Variants in MED12L observed in about 807,000 individuals in gnomAD.
MED12L encodes the protein mediator of RNA polymerase II transcription subunit 12-like protein.
Under a neutral mutation model 281.3 loss-of-function variants are expected in MED12L, and 60 were observed. The observed-to-expected ratio is 0.21, with a 90% confidence interval of 0.17 to 0.26. The LOEUF (loss-of-function observed/expected upper bound fraction) is 0.26, where lower values mean the gene tolerates loss of function less well. Ranked by LOEUF, MED12L falls within the 10% of genes least tolerant of loss-of-function variation. MED12L has a pLI of 1.00. For missense variants in MED12L, 2,146 were observed against 2,680.9 expected (o/e 0.80, Z 4.41); for synonymous variants, 974 against 987.2 (o/e 0.99, Z 0.25).
chr3:151,327,584 A>G (rs964588222), intron 16 of MED12L: 1 of 152,220 alleles, frequency 6.6e-6, no homozygotes, highest in Non-Finnish European at 1.5e-5. Flanking sequence ...TTTTTCTTTC[A>G]GCACATATCT....
chr3:151,222,647 C>T (rs1270315373), intron 16 of MED12L, among the ~76,000 whole-genome samples: 1 of 152,210 alleles, frequency 6.6e-6, no homozygotes, highest in Non-Finnish European at 1.5e-5. Context: ...ACTATAAGTC[C>T]AGTAAACCTC....
intron 3 of MED12L, among the ~76,000 whole-genome samples, chr3:151,117,479 T>C (rs1380846510): frequency 6.6e-6 from 1 of 152,208 alleles, no homozygotes; most frequent in Non-Finnish European, 1.5e-5. Context: ...CATTACCTTT[T>C]CTAGCCCAGT....
At chr3:151,407,642 A>C (rs1184823569) in intron 39 of MED12L, among the ~76,000 whole-genome samples, 1 of 152,182 alleles carries the variant, frequency 6.6e-6, no homozygotes, top group Non-Finnish European at 1.5e-5. Flanking sequence ...TCACAGAGGA[A>C]GTTTGGGCTA....
chr3:151,109,640 AGCTGG>A (rs1302869157), intron 2 of MED12L, among the ~76,000 whole-genome samples: 18 of 152,192 alleles, frequency 1.2e-4, no homozygotes, highest in African/African-American at 4.3e-4. Context: ...TCACATTCTC[AGCTGG>A]CATTGTCTCT....
chr3:151,198,621 C>G (rs1458946921), intron 16 of MED12L: 14 of 1,613,806 alleles, frequency 8.7e-6, no homozygotes, highest in Non-Finnish European at 1.2e-5. Context: ...GTTGAGCAAT[C>G]AGTTATGACT....
chr3:151,197,650 A>T (rs911409690), intron 16 of MED12L, among the ~76,000 whole-genome samples: 17 of 152,128 alleles, frequency 1.1e-4, no homozygotes, highest in African/African-American at 2.4e-5. Flanking sequence ...TAGTTCCAAA[A>T]CACTAGTTTC....
chr3:151,408,725 T>C (rs2108341377), intron 39 of MED12L, among the ~76,000 whole-genome samples: 1 of 152,270 alleles, frequency 6.6e-6, no homozygotes, highest in East Asian at 1.9e-4. Flanking sequence ...ATCGACTATA[T>C]TCTCATTGAT....
In MED12L at chr3:151,232,376, T is replaced by C. The variant is rs1438247407; in HGVS notation, c.2250+38710T>C. Among the ~76,000 whole-genome samples, 6 of 152,198 alleles carry C rather than the reference T, an allele frequency of 3.9e-5. 1 individual carries two copies. The highest frequency in any genetic ancestry group is 9.6e-5 in the African/African-American group (4 of 41,454). On this transcript the variant is annotated intron_variant, in intron 16 of 44. Coordinates refer to ENST00000687756, the MANE Select transcript of MED12L (RefSeq NM_001393769.1). ...CTGTTATTTTTTGACTTTTTAACGA[T>C]AGCCATTCTGATTGGTGTGAAAACA...
In MED12L at chr3:151,156,184, T is replaced by C; in HGVS notation, c.580T>C (p.Tyr194His). The stretch of plus-strand genomic sequence containing the variant: ...AGAGTGGACACAGATATCTACCAGA[T>C]ATCTTCGAGAGCAGTTGGCCAAGAT... ...NLEWTQISTR[Y>H]LREQLAKISD... The change falls in exon 6 of 45, where the codon TAT becomes CAT. Residue 194 changes from tyrosine (Y) to histidine (H), a missense_variant. Tyr to His is a moderately conservative substitution (Grantham distance 83). This residue lies in a region of MED12L where 722 missense variants were observed against 861.2 expected (regional missense o/e 0.84). Coordinates refer to ENST00000687756, the MANE Select transcript of MED12L (RefSeq NM_001393769.1). The C allele has an allele frequency of 6.2e-7, 1 of 1,611,242 alleles. No homozygotes were observed.
intron 16 of MED12L, among the ~76,000 whole-genome samples, chr3:151,335,406 C>T (rs1393350186): frequency 6.6e-6 from 1 of 152,116 alleles, no homozygotes; most frequent in African/African-American, 2.4e-5. Flanking sequence ...CAAAAATAGG[C>T]AGTGGGCTGC....
intron 16 of MED12L, chr3:151,295,013 A>C (rs760785179): frequency 5.0e-6 from 8 of 1,613,560 alleles, no homozygotes; most frequent in Non-Finnish European, 6.8e-6. Flanking sequence ...TTTGAGATAG[A>C]ATATGAAGCT....
chr3:151,343,133 T>G (rs1428129212), intron 16 of MED12L, among the ~76,000 whole-genome samples: 1 of 152,176 alleles, frequency 6.6e-6, no homozygotes, highest in African/African-American at 2.4e-5. Context: ...GTGGGATGGT[T>G]GTACGTCTTT....
chr3:151,127,991 G>C lies in MED12L; in HGVS notation c.556+7G>C, dbSNP rs1488879245. The C allele has an allele frequency of 6.2e-7, 1 of 1,609,558 alleles. No individual in the cohort carries two copies. Among genetic ancestry groups the C allele is most frequent in the African/African-American group, 1.3e-5 (1 of 74,602 alleles). On this transcript the variant is annotated splice_region_variant and intron_variant, in intron 5 of 44. Transcript: ENST00000687756. ...GCTCCTGATCCGAATTTGGGTAAGT[G>C]AGAGAATACAATACACCTTACATTT...
At position 151,294,309 on chromosome 3, in the gene MED12L, T is replaced by G; in HGVS notation, c.2251-55750T>G. ...AATGACCTACACATGAAAAAGTAAA[T>G]TATTGGATCCAGGCAAACATTACAC... On this transcript the variant is annotated intron_variant, in intron 16 of 44. Coordinates refer to ENST00000687756, the MANE Select transcript of MED12L (RefSeq NM_001393769.1). The G allele has an allele frequency of 6.2e-7, 1 of 1,614,130 alleles. No individual in the cohort carries two copies. The highest frequency in any genetic ancestry group is 8.5e-7 in the Non-Finnish European group (1 of 1,180,008).
intron 5 of MED12L, among the ~76,000 whole-genome samples, chr3:151,145,640 G>A (rs1475908671): frequency 6.6e-6 from 1 of 152,206 alleles, no homozygotes; most frequent in Non-Finnish European, 1.5e-5. Flanking sequence ...ACTAAGTAAA[G>A]TGTCCATGGG....
chr3:151,236,393 A>C (rs185187831), intron 16 of MED12L, among the ~76,000 whole-genome samples: 2 of 152,312 alleles, frequency 1.3e-5, no homozygotes, highest in Admixed American at 1.3e-4. Flanking sequence ...ATAATTCTTG[A>C]TTCAGGAAGC....
chr3:151,435,702 G>A lies in MED12L; in HGVS notation c.*2898G>A, dbSNP rs1720083139. On this transcript the variant is annotated 3_prime_UTR_variant, in exon 45 of 45. Transcript: ENST00000687756. ...AAACCCCACCCCTAGATTTAGATAA[G>A]ATCAATCATTTAATATTCCCCAAAT... is the stretch of plus-strand genomic sequence containing the variant. 1 of 152,126 alleles carries A rather than the reference G, an allele frequency of 6.6e-6. No homozygotes were observed. Among genetic ancestry groups the A allele is most frequent in the African/African-American group, 2.4e-5 (1 of 41,426 alleles). 9.4% of individuals were successfully genotyped at this position (152,126 alleles called of 1,614,324 possible).
At chr3:151,138,696 G>A (rs928926170) in intron 5 of MED12L, among the ~76,000 whole-genome samples, 1 of 152,124 alleles carries the variant, frequency 6.6e-6, no homozygotes, top group African/African-American at 2.4e-5. Flanking sequence ...GTTAGACCAG[G>A]GTTACAGAAG....
intron 32 of MED12L, among the ~76,000 whole-genome samples, chr3:151,382,050 C>G (rs1327285015): frequency 1.3e-5 from 2 of 152,122 alleles, no homozygotes; most frequent in Non-Finnish European, 2.9e-5. Flanking sequence ...TTGTGGCTCC[C>G]TTTCCTAAGC....
Sources: allele counts gnomAD v4.1 joint callset (sites outside exome capture counted in the v4.1 genomes callset), GRCh38; gene constraint gnomAD v4.1.1; regional missense constraint gnomAD v4.1.1; transcripts MANE v1.5; gene names NCBI Gene and HGNC (gene_info 2026-07-23, HGNC 2026-07-21).